Variants in TP53BP1 observed in about 807,000 individuals in gnomAD.
TP53BP1 encodes the protein TP53-binding protein 1.
A neutral mutation model predicts 200.8 loss-of-function variants in TP53BP1; 61 were observed. That is an observed-to-expected ratio of 0.30 (90% CI 0.25 to 0.38). TP53BP1 has a LOEUF of 0.38. TP53BP1 is among the 10% of genes least tolerant of loss of function. The pLI is 1.00. For missense variants in TP53BP1, 2,144 were observed against 2,371.9 expected, an observed-to-expected ratio of 0.90 and a Z score of 2.00; for synonymous variants, 822 against 844.3, an observed-to-expected ratio of 0.97 and a Z score of 0.46.
At chr15:43,417,240 A>G (rs1182307956) in intron 21 of TP53BP1, 1 of 152,200 alleles carries the variant, frequency 6.6e-6, no homozygotes, top group Non-Finnish European at 1.5e-5. Flanking sequence ...ATTACTATGA[A>G]TATTTTTTCA....
At position 43,474,220 on chromosome 15, in the gene TP53BP1, G is replaced by A. The variant is rs955898698; in HGVS notation, c.1180+453C>T. Among the ~76,000 whole-genome samples the A allele has an allele frequency of 4.6e-5, 7 of 152,248 alleles. No individual in the cohort carries two copies. In the South Asian group the frequency reaches 8.3e-4, roughly 18 times the overall value. The stretch of plus-strand genomic sequence containing the variant: ...ACCCACCAGGAACTCCAGCTGGCCC[G>A]CAAGCGCCGCGCACAGCCCCGGTTG... On this transcript the variant is annotated intron_variant, in intron 10 of 27. Transcript: ENST00000382044.
intron 10 of TP53BP1, among the ~76,000 whole-genome samples, chr15:43,472,473 ATAAAT>A (rs2046750184): frequency 6.6e-6 from 1 of 152,226 alleles, no homozygotes; most frequent in South Asian, 2.1e-4. Flanking sequence ...AAATAATGAG[ATAAAT>A]TAGGTAAGTG....
At chr15:43,464,012 A>G (rs694725) in intron 11 of TP53BP1, among the ~76,000 whole-genome samples, 69,623 of 152,048 alleles carry the variant, frequency 0.46, 20,631 homozygotes, top group African/African-American at 0.85. Context: ...GGATCTGACC[A>G]GGCCAAGATG....
At chr15:43,468,356 GCAA>G (rs1001332870) in intron 11 of TP53BP1, among the ~76,000 whole-genome samples, 2 of 151,994 alleles carry the variant, frequency 1.3e-5, no homozygotes, top group African/African-American at 4.8e-5. Context: ...AACAGCCCTG[GCAA>G]CATAGTGATA....
intron 18 of TP53BP1, among the ~76,000 whole-genome samples, chr15:43,425,226 G>C (rs746523046): frequency 2.0e-5 from 3 of 152,166 alleles, no homozygotes; most frequent in Non-Finnish European, 2.9e-5. Context: ...CAGACTAAGA[G>C]AGCGTTTCAT....
At position 43,450,916 on chromosome 15, in the gene TP53BP1, G is replaced by A. The variant is rs539667802; in HGVS notation, c.2717-3431C>T. On this transcript the variant is annotated intron_variant, in intron 12 of 27. Transcript: ENST00000382044. Reference sequence around the variant, plus strand: ...TTGAGACAGGGTCTCGCCCTGTTGCGCAGGCTAAAGTGCAGTGGTGCAATC... The same window carrying A: ...TTGAGACAGGGTCTCGCCCTGTTGCACAGGCTAAAGTGCAGTGGTGCAATC... Among the ~76,000 whole-genome samples the A allele has an allele frequency of 4.6e-5, 7 of 152,118 alleles. No homozygotes were observed. In the East Asian group the frequency reaches 9.7e-4, roughly 21 times the overall value.
At chr15:43,463,236 C>T (rs956382461) in intron 11 of TP53BP1, among the ~76,000 whole-genome samples, 3 of 152,090 alleles carry the variant, frequency 2.0e-5, no homozygotes, top group Non-Finnish European at 4.4e-5. Flanking sequence ...TTCTACTAAT[C>T]CTCTCCCCAT....
intron 4 of TP53BP1, among the ~76,000 whole-genome samples, chr15:43,483,268 A>ACG (rs890760314): frequency 1.3e-5 from 2 of 151,566 alleles, no homozygotes; most frequent in Non-Finnish European, 2.9e-5. Context: ...ACACACACAC[A>ACG]CACAGAACAA....
At chr15:43,409,897 A>G in intron 24 of TP53BP1, 156 bp from the exon 25 acceptor site, 1 of 418,788 alleles carries the variant, frequency 2.4e-6, no homozygotes, top group Non-Finnish European at 4.2e-6. Flanking sequence ...GGTCAGAAAG[A>G]GATCTTGAGG....
At chr15:43,419,363 G>A (rs990358515) in intron 21 of TP53BP1, among the ~76,000 whole-genome samples, 6 of 151,808 alleles carry the variant, frequency 4.0e-5, no homozygotes, top group African/African-American at 1.5e-4. Flanking sequence ...TCACCTCTGT[G>A]GCATATTTTT....
intron 11 of TP53BP1, among the ~76,000 whole-genome samples, chr15:43,463,496 GA>G (rs998452267): frequency 5.9e-5 from 9 of 151,988 alleles, no homozygotes; most frequent in African/African-American, 2.2e-4. Context: ...GACATATAAT[GA>G]AAAAAGTAGG....
chr15:43,418,041 G>T lies in TP53BP1; in HGVS notation c.4682-1625C>A, dbSNP rs147047184. ...CTAAAAATACAAAGATTAACCAGGT[G>T]TTGTGGCATGCACCTGTAATCCCAG... On this transcript the variant is annotated intron_variant, in intron 21 of 27. Coordinates refer to ENST00000382044, the MANE Select transcript of TP53BP1 (RefSeq NM_001141980.3). 2.4e-4 allele frequency among the ~76,000 whole-genome samples: 37 copies of T among 152,152 alleles called. No homozygotes were observed. In the East Asian group the frequency reaches 6.6e-3, roughly 27 times the overall value.
At chr15:43,407,687 T>G (rs1176197763) in intron 27 of TP53BP1, 117 bp from the exon 28 acceptor site, 2 of 998,234 alleles carry the variant, frequency 2.0e-6, no homozygotes, top group Non-Finnish European at 2.9e-6. Context: ...AGCCCTATTA[T>G]GTCAAACACA....
intron 10 of TP53BP1, among the ~76,000 whole-genome samples, chr15:43,473,106 G>C (rs1226327982): frequency 1.3e-5 from 2 of 152,110 alleles, no homozygotes; most frequent in Non-Finnish European, 2.9e-5. Context: ...CAGTGGGCTC[G>C]TGGTCTCGCT....
intron 17 of TP53BP1, 100 bp from the exon 18 acceptor site, chr15:43,428,268 A>C: frequency 9.7e-7 from 1 of 1,033,936 alleles, no homozygotes; most frequent in Non-Finnish European, 1.4e-6. Context: ...AGGCTCCATG[A>C]ATCTAGTGTG....
chr15:43,432,554 A>C lies in TP53BP1; in HGVS notation c.3315T>G (p.Val1105=). The C allele has an allele frequency of 6.2e-7, 1 of 1,614,192 alleles. No individual in the cohort carries two copies. The highest frequency in any genetic ancestry group is 8.5e-7 in the Non-Finnish European group (1 of 1,180,020). Residue 1105 remains valine (V), a synonymous_variant, in exon 17 of 28, where the codon GTT becomes GTG. Coordinates refer to ENST00000382044, the MANE Select transcript of TP53BP1 (RefSeq NM_001141980.3). ...MKPISPVKDP[V]SPASQKMVIQ... ...TGACCATCTTCTGGGAAGCAGGAGA[A>C]ACAGGGTCCTTGACAGGACTAATGG...
chr15:43,442,353 T>C (rs1393503317), intron 14 of TP53BP1, among the ~76,000 whole-genome samples: 1 of 152,126 alleles, frequency 6.6e-6, no homozygotes, highest in African/African-American at 2.4e-5. Flanking sequence ...CCCAAAGTGC[T>C]GGGATTACAG....
At chr15:43,482,647 A>G (rs1425083971) in intron 4 of TP53BP1, among the ~76,000 whole-genome samples, 3 of 152,136 alleles carry the variant, frequency 2.0e-5, no homozygotes, top group Non-Finnish European at 4.4e-5. Context: ...ACGCACCTGT[A>G]GTCCCAGCTA....
chr15:43,407,930 C>CTCTT lies in TP53BP1; in HGVS notation c.5746+9_5746+12dup. 3.1e-6 allele frequency: 5 copies of CTCTT among 1,608,072 alleles called. No individual in the cohort carries two copies. Among genetic ancestry groups the CTCTT allele is most frequent in the Non-Finnish European group, 3.4e-6 (4 of 1,178,974 alleles). On this transcript the variant is annotated intron_variant, in intron 27 of 27. Coordinates refer to ENST00000382044, the MANE Select transcript of TP53BP1 (RefSeq NM_001141980.3). ...CCCTGGAACAAAGACACTACACACACTCTTTCAGGTACCTTTGTTATGGGC... is the reference window on the plus strand; with the variant it reads ...CCCTGGAACAAAGACACTACACACACTCTTTCTTTCAGGTACCTTTGTTATGGGC...
Sources: allele counts gnomAD v4.1 joint callset (sites outside exome capture counted in the v4.1 genomes callset), GRCh38; gene constraint gnomAD v4.1.1; transcripts MANE v1.5; gene names NCBI Gene and HGNC (gene_info 2026-07-23, HGNC 2026-07-21).